Variants in CCDC73 observed in about 807,000 individuals in gnomAD.
CCDC73 encodes coiled-coil domain containing 73.
A neutral mutation model predicts 116.5 loss-of-function variants in CCDC73; 95 were observed. The observed-to-expected ratio is 0.82, with a 90% confidence interval of 0.69 to 0.97. The LOEUF is 0.97. CCDC73 is among the 50% of genes least tolerant of loss of function. CCDC73 has a pLI of 0.00. For synonymous variants in CCDC73, 398 were observed against 401.3 expected (o/e 0.99, Z 0.10); for missense variants, 1,066 against 1,206.8 (o/e 0.88, Z 1.73).
At chr11:32,777,567 A>C (rs6484597) in intron 1 of CCDC73, among the ~76,000 whole-genome samples, 86,282 of 151,998 alleles carry the variant, frequency 0.57, 24,871 homozygotes, top group East Asian at 0.84. Context: ...CAACCCTAAC[A>C]GGGTAAATTA....
intron 9 of CCDC73, among the ~76,000 whole-genome samples, chr11:32,657,419 A>G (rs1855883713): frequency 6.6e-6 from 1 of 152,240 alleles, no homozygotes; most frequent in Non-Finnish European, 1.5e-5. Context: ...AACAATTAGT[A>G]TATATCGAAG....
At chr11:32,820,020 A>C in the CCDC73 span, among the ~76,000 whole-genome samples, 1 of 152,192 alleles carries the variant, frequency 6.6e-6, no homozygotes, top group Non-Finnish European at 1.5e-5. Flanking sequence ...TTCTATAATA[A>C]ATATAAATAT....
At chr11:32,776,986 C>CATTTATAT in intron 1 of CCDC73, among the ~76,000 whole-genome samples, 1 of 95,764 alleles carries the variant, frequency 1.0e-5, no homozygotes, top group South Asian at 3.0e-4. Flanking sequence ...TATATATACA[C>CATTTATAT]ATGTATATAT....
At chr11:32,791,684 G>C (rs1470483808) in intron 1 of CCDC73, among the ~76,000 whole-genome samples, 3 of 152,176 alleles carry the variant, frequency 2.0e-5, no homozygotes, top group Non-Finnish European at 4.4e-5. Flanking sequence ...CAGGCGTGGT[G>C]GCTAATGCCT....
intron 2 of CCDC73, among the ~76,000 whole-genome samples, chr11:32,749,602 T>C (rs1850268976): frequency 6.6e-6 from 1 of 152,064 alleles, no homozygotes; most frequent in Admixed American, 6.5e-5. Flanking sequence ...GTCTGGGCAT[T>C]GAAGAGTGGG....
At chr11:32,799,645 A>G (rs1327223521), upstream of CCDC73, among the ~76,000 whole-genome samples, 1 of 152,214 alleles carries the variant, frequency 6.6e-6, no homozygotes, top group Non-Finnish European at 1.5e-5. Context: ...GGGAGTAAGC[A>G]TATTTACATG....
the CCDC73 span, among the ~76,000 whole-genome samples, chr11:32,812,475 G>A: frequency 6.6e-6 from 1 of 152,158 alleles, no homozygotes; most frequent in Non-Finnish European, 1.5e-5. Flanking sequence ...AGGCTAGCCT[G>A]ACCAACATGG....
chr11:32,787,367 A>G (rs994981313), intron 1 of CCDC73, among the ~76,000 whole-genome samples: 1 of 152,228 alleles, frequency 6.6e-6, no homozygotes, highest in Admixed American at 6.5e-5. Flanking sequence ...TCAGTTTCAC[A>G]CTATCATTTC....
chr11:32,736,711 C>T (rs1156815798), intron 2 of CCDC73, among the ~76,000 whole-genome samples: 5 of 151,772 alleles, frequency 3.3e-5, no homozygotes, highest in Non-Finnish European at 4.4e-5. Flanking sequence ...CACATGCACA[C>T]GTATGTTTAT....
intron 9 of CCDC73, among the ~76,000 whole-genome samples, chr11:32,658,174 T>C (rs1385899223): frequency 2.6e-5 from 4 of 152,152 alleles, no homozygotes; most frequent in African/African-American, 9.7e-5. Context: ...TCCCACTACT[T>C]TTATCTGTGG....
intron 17 of CCDC73, among the ~76,000 whole-genome samples, chr11:32,607,915 G>A (rs926218786): frequency 6.6e-6 from 1 of 152,188 alleles, no homozygotes; most frequent in South Asian, 2.1e-4. Flanking sequence ...GGCAGCAAAA[G>A]AGAGCTTGTG....
intron 12 of CCDC73, among the ~76,000 whole-genome samples, chr11:32,642,845 T>C (rs1020056197): frequency 1.3e-5 from 2 of 151,736 alleles, no homozygotes; most frequent in Non-Finnish European, 3.0e-5. Context: ...AGGTTAAAAA[T>C]GTCAAGCCAC....
intron 12 of CCDC73, among the ~76,000 whole-genome samples, chr11:32,646,483 A>G (rs1426185198): frequency 1.3e-5 from 2 of 152,238 alleles, no homozygotes; most frequent in Admixed American, 1.3e-4. Context: ...GTTTGGCTAA[A>G]TACAATACAA....
intron 7 of CCDC73, among the ~76,000 whole-genome samples, chr11:32,678,245 C>T (rs1330243276): frequency 6.6e-6 from 1 of 152,106 alleles, no homozygotes; most frequent in Non-Finnish European, 1.5e-5. Flanking sequence ...CACCACTGCA[C>T]TCCAGCCTGG....
At chr11:32,692,797 C>G (rs979569011) in intron 6 of CCDC73, among the ~76,000 whole-genome samples, 2 of 152,158 alleles carry the variant, frequency 1.3e-5, no homozygotes, top group African/African-American at 4.8e-5. Context: ...AAAACTGAAG[C>G]TGAGAAAGAA....
intron 2 of CCDC73, among the ~76,000 whole-genome samples, chr11:32,744,820 A>G (rs1479198104): frequency 1.3e-5 from 2 of 152,086 alleles, no homozygotes; most frequent in African/African-American, 4.8e-5. Flanking sequence ...TCTTGCTAGC[A>G]GTCTATCTAC....
At chr11:32,609,744 TG>T (rs1855396043) in intron 17 of CCDC73, among the ~76,000 whole-genome samples, 1 of 152,168 alleles carries the variant, frequency 6.6e-6, no homozygotes, top group African/African-American at 2.4e-5. Context: ...TCCATGTGGC[TG>T]GGGAGGCCTC....
chr11:32,748,764 T>TCC (rs1049583747), intron 2 of CCDC73, among the ~76,000 whole-genome samples: 2 of 152,138 alleles, frequency 1.3e-5, no homozygotes, highest in African/African-American at 4.8e-5. Context: ...TCCCTCAGCT[T>TCC]TTATTTATCT....
intron 2 of CCDC73, among the ~76,000 whole-genome samples, chr11:32,738,186 T>C (rs1426531188): frequency 2.6e-5 from 4 of 152,246 alleles, no homozygotes; most frequent in African/African-American, 9.6e-5. Flanking sequence ...ATCTCTTTGA[T>C]ACACTGATTT....
Sources: gnomAD v4.1 joint callset for allele counts (sites outside exome capture counted in the v4.1 genomes callset) on GRCh38, gnomAD v4.1.1 for gene constraint, MANE v1.5 for transcripts, NCBI Gene and HGNC (gene_info 2026-07-23, HGNC 2026-07-21) for gene names.